Variants in CAMK1 observed in about 807,000 individuals in gnomAD.
CAMK1 encodes the protein calcium/calmodulin dependent protein kinase I.
A neutral mutation model predicts 49.1 loss-of-function variants in CAMK1; 39 were observed. That is an observed-to-expected ratio of 0.79 (90% CI 0.62 to 1.04). The LOEUF (loss-of-function observed/expected upper bound fraction) is 1.04, where lower values mean the gene tolerates loss of function less well. Among genes scored for constraint, CAMK1 ranks in the 50% least tolerant of loss-of-function variants. The pLI, the probability that CAMK1 is intolerant of heterozygous loss-of-function variation, is 0.00. For missense variants in CAMK1, 457 were observed against 472.2 expected (o/e 0.97, Z 0.30); for synonymous variants, 192 against 185.2 (o/e 1.04, Z -0.30).
At chr3:9,766,347 C>G (rs2078151334) in intron 2 of CAMK1, 2 of 671,672 alleles carry the variant, frequency 3.0e-6, no homozygotes, top group Non-Finnish European at 5.4e-6. Flanking sequence ...ATTATGTGTA[C>G]AGTTGGTTCA....
intron 2 of CAMK1, 182 bp from the exon 3 acceptor site, chr3:9,766,072 AG>A: frequency 6.4e-7 from 1 of 1,565,568 alleles, no homozygotes; most frequent in Non-Finnish European, 8.7e-7. Flanking sequence ...GGCCAGTCAA[AG>A]TAGTCTCTCC....
At chr3:9,760,511 GGGTAGGGTGTCTGGTCTC>G (rs1414767675) in intron 8 of CAMK1, 127 bp downstream of exon 8, 1 of 722,814 alleles carries the variant, frequency 1.4e-6, no homozygotes, top group Non-Finnish European at 2.4e-6. Context: ...AAGGAAGAAG[GGGTAGGGTGTCTGGTCTC>G]GAAGACAGCT....
intron 3 of CAMK1, among the ~76,000 whole-genome samples, chr3:9,765,371 C>G (rs1473105678): frequency 1.3e-5 from 2 of 152,054 alleles, no homozygotes; most frequent in Admixed American, 1.3e-4. Context: ...TGGATTTAGT[C>G]TGGGGGTCAG....
chr3:9,765,338 G>C (rs930581727), intron 3 of CAMK1, among the ~76,000 whole-genome samples: 3 of 152,118 alleles, frequency 2.0e-5, no homozygotes, highest in African/African-American at 7.2e-5. Flanking sequence ...ATCAGCATGA[G>C]CAATTCATAG....
At chr3:9,759,799 G>T (rs768195947) in intron 8 of CAMK1, 49 bp from the exon 9 acceptor site, 19 of 1,613,786 alleles carry the variant, frequency 1.2e-5, no homozygotes, top group Non-Finnish European at 1.5e-5. Flanking sequence ...GGTACTGCCT[G>T]TGTACTCCCC....
intron 3 of CAMK1, among the ~76,000 whole-genome samples, chr3:9,764,628 G>GTT (rs55972033): frequency 1.1e-4 from 10 of 92,320 alleles, no homozygotes; most frequent in African/African-American, 3.4e-4. Context: ...TTTTTTTTTT[G>GTT]TTTTTTTTTT....
At chr3:9,759,816 A>T (rs773067396) in intron 8 of CAMK1, 66 bp from the exon 9 acceptor site, 5 of 1,613,250 alleles carry the variant, frequency 3.1e-6, no homozygotes, top group South Asian at 1.1e-5. Context: ...CCCCAAGAGC[A>T]TACCCACTCC....
intron 3 of CAMK1, among the ~76,000 whole-genome samples, chr3:9,763,770 G>A (rs1322449167): frequency 1.3e-5 from 2 of 152,272 alleles, no homozygotes; most frequent in Middle Eastern, 3.4e-3. Context: ...CGGATCACTT[G>A]AGGTCAGGAG....
chr3:9,767,930 A>G (rs2078200424), intron 1 of CAMK1, 149 bp from the exon 2 acceptor site: 1 of 1,233,968 alleles, frequency 8.1e-7, no homozygotes. Context: ...TCATTTGTTT[A>G]TTCAACATTC....
chr3:9,766,690 A>T (rs1344496070), intron 2 of CAMK1: 1 of 979,656 alleles, frequency 1.0e-6, no homozygotes, highest in East Asian at 9.1e-5. Flanking sequence ...TATTCTTTCC[A>T]CATCTGTTTG....
intron 8 of CAMK1, chr3:9,760,189 G>A (rs2077783458): frequency 5.2e-6 from 1 of 192,666 alleles, no homozygotes; most frequent in Non-Finnish European, 1.1e-5. Flanking sequence ...GTTGCAGTGA[G>A]CCGAGATTGT....
chr3:9,767,925 T>A, intron 1 of CAMK1, 144 bp from the exon 2 acceptor site: 1 of 1,266,880 alleles, frequency 7.9e-7, no homozygotes. Flanking sequence ...AACATTCATT[T>A]GTTTATTCAA....
chr3:9,761,497 A>G lies in CAMK1; in HGVS notation c.596T>C (p.Val199Ala). ...GATGACACCTATGGACCAGCAATCCACAGCCTTGCTGTAGGGCTTCTGGGC... is the reference window on the plus strand; with the variant it reads ...GATGACACCTATGGACCAGCAATCCGCAGCCTTGCTGTAGGGCTTCTGGGC... The part of the protein sequence containing the change: ...VLAQKPYSKA[V>A]DCWSIGVIAY... The change falls in exon 7 of 12, where the codon GTG becomes GCG. Residue 199 changes from valine to alanine, a missense_variant. Coordinates refer to ENST00000256460, the MANE Select transcript of CAMK1 (RefSeq NM_003656.5). The G allele has an allele frequency of 6.2e-7, 1 of 1,613,492 alleles. No individual in the cohort carries two copies.
chr3:9,766,344 G>A, intron 2 of CAMK1: 1 of 676,142 alleles, frequency 1.5e-6, no homozygotes, highest in South Asian at 1.5e-5. Context: ...TGGATTATGT[G>A]TACAGTTGGT....
At chr3:9,766,200 C>G (rs2078145886) in intron 2 of CAMK1, 3 of 772,512 alleles carry the variant, frequency 3.9e-6, no homozygotes, top group Non-Finnish European at 6.7e-6. Context: ...TCTTTGCCAC[C>G]ACCTGGGGAG....
intron 1 of CAMK1, among the ~76,000 whole-genome samples, chr3:9,769,244 GACAC>G (rs142285715): frequency 2.7e-5 from 4 of 150,092 alleles, no homozygotes; most frequent in South Asian, 2.1e-4. Context: ...ATGACACCCA[GACAC>G]ACACACACAC....
chr3:9,766,480 CAAAAAAAAGAA>C lies in CAMK1; in HGVS notation c.84-601_84-591del, dbSNP rs1420712813. 69 of 349,612 alleles carry C rather than the reference CAAAAAAAAGAA, an allele frequency of 2.0e-4. 1 individual carries two copies. Among genetic ancestry groups the C allele is most frequent in the South Asian group, 1.5e-3 (52 of 35,742 alleles). 21.7% of individuals were successfully genotyped at this position (349,612 alleles called of 1,614,324 possible). On this transcript the variant is annotated intron_variant, in intron 2 of 11. Coordinates refer to ENST00000256460, the MANE Select transcript of CAMK1 (RefSeq NM_003656.5). ...ATCTCTACTGCTTTGGATCCTGGGT[CAAAAAAAAGAA>C]AAAAAAAAGAAATGCAAAACTTTAG...
chr3:9,767,764 C>A lies in CAMK1; in HGVS notation c.-15G>T, dbSNP rs746266424. On this transcript the variant is annotated 5_prime_UTR_variant, in exon 2 of 12. Transcript: ENST00000256460. The stretch of plus-strand genomic sequence containing the variant: ...GCCCCCAGCATGGCCCACTGCCCCC[C>A]GACCACAGCCAGGGCTCCTGTAAGG... The A allele has an allele frequency of 3.1e-6, 5 of 1,613,768 alleles. No homozygotes were observed. The East Asian group carries it at 6.7e-5, about 22-fold the overall frequency.
Position 9,762,950 on chromosome 3 carries a change from G to T in CAMK1, c.393C>A (p.Tyr131Ter), listed in dbSNP as rs1223178911. The part of the protein sequence containing the change: ...LIFQVLDAVK[Y>*]LHDLGIVHRD... ...GGTGTACAATGCCCAGGTCATGCAGGTATTTCACAGCATCCAGCACCTGGA... is the reference window on the plus strand; with the variant it reads ...GGTGTACAATGCCCAGGTCATGCAGTTATTTCACAGCATCCAGCACCTGGA... The change falls in exon 5 of 12, where the codon TAC (tyrosine) becomes TAA (stop). Residue 131 changes from tyrosine to a stop codon, truncating the protein, a stop_gained. Transcript: ENST00000256460. LOFTEE classifies it high-confidence loss of function. 7 of 1,614,016 alleles carry T rather than the reference G, an allele frequency of 4.3e-6. No homozygotes were observed. Among genetic ancestry groups the T allele is most frequent in the African/African-American group, 1.3e-5 (1 of 74,894 alleles).
Sources: allele counts gnomAD v4.1 joint callset (sites outside exome capture counted in the v4.1 genomes callset), GRCh38; gene constraint gnomAD v4.1.1; transcripts MANE v1.5; gene names NCBI Gene and HGNC (gene_info 2026-07-23, HGNC 2026-07-21).